The following KCNIP4 variants were observed in gnomAD, a reference collection of about 807,000 sequenced individuals.
KCNIP4 encodes the protein potassium voltage-gated channel interacting protein 4.
A neutral mutation model predicts 34.0 loss-of-function variants in KCNIP4; 12 were observed. The observed-to-expected ratio is 0.35, with a 90% CI of 0.23 to 0.57. The LOEUF (loss-of-function observed/expected upper bound fraction) is 0.57. Among genes scored for constraint, KCNIP4 ranks in the 20% least tolerant of loss-of-function variants. KCNIP4 has a pLI of 0.83. For synonymous variants in KCNIP4, 124 were observed against 102.2 expected, an observed-to-expected ratio of 1.21 and a Z score of -1.29; for missense variants, 238 against 311.7, an observed-to-expected ratio of 0.76 and a Z score of 1.78.
intron 1 of KCNIP4, among the ~76,000 whole-genome samples, chr4:20,930,890 G>T (rs1730394178): frequency 1.3e-5 from 2 of 151,646 alleles, no homozygotes; most frequent in South Asian, 4.2e-4. Flanking sequence ...GGGGAAAAGG[G>T]AAATACAGTA....
chr4:21,663,306 T>C, intron 1 of KCNIP4, among the ~76,000 whole-genome samples: 1 of 152,146 alleles, frequency 6.6e-6, no homozygotes, highest in East Asian at 1.9e-4. Flanking sequence ...CTTTTTTAAA[T>C]AAAAATTTTT....
chr4:21,423,910 C>A (rs955230125), intron 1 of KCNIP4, among the ~76,000 whole-genome samples: 10 of 151,338 alleles, frequency 6.6e-5, no homozygotes, highest in Admixed American at 1.3e-4. Context: ...TGGGTTCAAG[C>A]GATTCTCCTG....
chr4:21,153,874 C>T (rs1752949955), intron 1 of KCNIP4, among the ~76,000 whole-genome samples: 1 of 152,030 alleles, frequency 6.6e-6, no homozygotes, highest in African/African-American at 2.4e-5. Context: ...TCAGTACCCA[C>T]CATGGGTGGT....
At chr4:21,538,420 C>G (rs1393514012) in intron 1 of KCNIP4, among the ~76,000 whole-genome samples, 1 of 152,140 alleles carries the variant, frequency 6.6e-6, no homozygotes. Flanking sequence ...TACCTGGAAT[C>G]TGGGACACGT....
intron 1 of KCNIP4, among the ~76,000 whole-genome samples, chr4:21,623,131 T>C (rs1213769456): frequency 6.6e-6 from 1 of 152,220 alleles, no homozygotes; most frequent in African/African-American, 2.4e-5. Flanking sequence ...TAATTTGAAA[T>C]CATAATATCA....
intron 1 of KCNIP4, among the ~76,000 whole-genome samples, chr4:21,859,592 C>T (rs944778044): frequency 6.6e-6 from 1 of 150,606 alleles, no homozygotes; most frequent in Non-Finnish European, 1.5e-5. Flanking sequence ...CGCGCCACTG[C>T]ACTTCAGCCT....
intron 1 of KCNIP4, among the ~76,000 whole-genome samples, chr4:21,543,062 C>T (rs939515652): frequency 2.6e-5 from 4 of 151,718 alleles, no homozygotes; most frequent in South Asian, 2.1e-4. Flanking sequence ...TAGACATTCC[C>T]AAATTTGACA....
intron 1 of KCNIP4, among the ~76,000 whole-genome samples, chr4:21,213,933 A>G (rs975070274): frequency 2.6e-5 from 4 of 152,118 alleles, no homozygotes; most frequent in Non-Finnish European, 4.4e-5. Context: ...GGAATGTCCC[A>G]TGTCTGCACA....
At chr4:21,186,765 C>T (rs1755260729) in intron 1 of KCNIP4, among the ~76,000 whole-genome samples, 1 of 152,208 alleles carries the variant, frequency 6.6e-6, no homozygotes, top group Non-Finnish European at 1.5e-5. Context: ...TCACCTCAGT[C>T]TCCCAAGTAG....
chr4:21,947,347 C>G (rs1388658468), intron 1 of KCNIP4, among the ~76,000 whole-genome samples: 1 of 152,162 alleles, frequency 6.6e-6, no homozygotes, highest in East Asian at 1.9e-4. Context: ...GAAAACAGAA[C>G]TAAACACAGT....
intron 1 of KCNIP4, among the ~76,000 whole-genome samples, chr4:21,251,592 A>G (rs1014464050): frequency 1.3e-5 from 2 of 152,178 alleles, no homozygotes; most frequent in African/African-American, 2.4e-5. Context: ...AACATTTTTG[A>G]AACTTAAAAT....
intron 1 of KCNIP4, among the ~76,000 whole-genome samples, chr4:21,144,475 T>C (rs2109222256): frequency 6.6e-6 from 1 of 152,312 alleles, no homozygotes; most frequent in South Asian, 2.1e-4. Flanking sequence ...CTATTCCTCA[T>C]GCTAAACCCC....
intron 1 of KCNIP4, among the ~76,000 whole-genome samples, chr4:21,455,664 C>G (rs1205044506): frequency 6.7e-6 from 1 of 148,930 alleles, no homozygotes; most frequent in African/African-American, 2.5e-5. Flanking sequence ...GGAATTGAAC[C>G]AAGATTTTCT....
chr4:21,448,538 T>G (rs763516860), intron 1 of KCNIP4, among the ~76,000 whole-genome samples: 1 of 152,148 alleles, frequency 6.6e-6, no homozygotes, highest in African/African-American at 2.4e-5. Flanking sequence ...TCATGGCTTA[T>G]AGTAAAACGA....
chr4:21,544,942 C>A (rs1221817288), intron 1 of KCNIP4, among the ~76,000 whole-genome samples: 1 of 152,010 alleles, frequency 6.6e-6, no homozygotes, highest in African/African-American at 2.4e-5. Flanking sequence ...TGAACTAGAA[C>A]GACTCCATCT....
chr4:20,886,742 G>T (rs1448975770), intron 1 of KCNIP4, among the ~76,000 whole-genome samples: 2 of 152,146 alleles, frequency 1.3e-5, no homozygotes, highest in Non-Finnish European at 2.9e-5. Flanking sequence ...AGCCAAAGTT[G>T]ACTGATCCTA....
intron 1 of KCNIP4, among the ~76,000 whole-genome samples, chr4:21,876,795 G>C (rs1194172210): frequency 6.6e-6 from 1 of 151,914 alleles, no homozygotes; most frequent in Non-Finnish European, 1.5e-5. Flanking sequence ...AAAATGGTAG[G>C]ACTATACATT....
At chr4:21,086,432 A>T (rs1746438249) in intron 1 of KCNIP4, among the ~76,000 whole-genome samples, 1 of 152,176 alleles carries the variant, frequency 6.6e-6, no homozygotes, top group African/African-American at 2.4e-5. Context: ...ATTTACAAGA[A>T]TTTTTAAATA....
At chr4:21,731,951 C>T (rs1422508115) in intron 1 of KCNIP4, among the ~76,000 whole-genome samples, 3 of 151,838 alleles carry the variant, frequency 2.0e-5, no homozygotes, top group Non-Finnish European at 2.9e-5. Flanking sequence ...TACCAGTTGA[C>T]TAGTATTCCT....
Sources: gnomAD v4.1 joint callset for allele counts (sites outside exome capture counted in the v4.1 genomes callset) on GRCh38, gnomAD v4.1.1 for gene constraint, MANE v1.5 for transcripts, NCBI Gene and HGNC (gene_info 2026-07-23, HGNC 2026-07-21) for gene names.